ZNF440: variants seen among roughly 807,000 people sequenced by gnomAD.
The protein encoded by ZNF440 is zinc finger protein 440.
Under a neutral mutation model 49.7 loss-of-function variants are expected in ZNF440, and 47 were observed. The observed-to-expected ratio is 0.95, with a 90% CI of 0.75 to 1.21. The LOEUF (loss-of-function observed/expected upper bound fraction) is 1.21. ZNF440 is among the 50% of genes most tolerant of loss of function. The probability of loss-of-function intolerance (pLI) is 0.00; values close to 1 mark genes in which losing one functional copy is unlikely to be tolerated. For synonymous variants in ZNF440, 255 were observed against 237.7 expected (o/e 1.07, Z -0.67); for missense variants, 703 against 715.0 (o/e 0.98, Z 0.19).
rs550858969 is a variant in ZNF440, at chr19:11,831,811, T to C, written c.635T>C (p.Leu212Pro). The C allele has an allele frequency of 1.2e-5, 19 of 1,609,300 alleles. No homozygotes were observed. The highest frequency in any genetic ancestry group is 8.4e-5 in the Admixed American group (5 of 59,800). The change falls in exon 4 of 4, where the codon CTC becomes CCC. Residue 212 changes from leucine to proline, a missense_variant. Physicochemically the swap from Leu to Pro is moderately conservative, Grantham distance 98. Coordinates refer to ENST00000304060, the MANE Select transcript of ZNF440 (RefSeq NM_152357.3). ...CKFCGKAFHC[L>P]RLYLIHERIH... is the part of the protein sequence containing the mutation. ...TTTTGTGGGAAAGCATTCCATTGTC[T>C]CAGATTATATCTTATCCATGAAAGA...
intron 2 of ZNF440, 91 bp downstream of exon 2, chr19:11,830,500 G>A (rs1050565110): frequency 1.9e-6 from 3 of 1,601,638 alleles, no homozygotes; most frequent in African/African-American, 2.7e-5. Context: ...ACATAGACAG[G>A]AAATACTTTG....
In ZNF440 at chr19:11,831,588, G is replaced by A; in HGVS notation, c.412G>A (p.Glu138Lys). Residue 138 changes from glutamate to lysine, a missense_variant, in exon 4 of 4, where the codon GAA becomes AAA. Transcript: ENST00000304060. ...TGGACACAAGGCATATGAGTATCAG[G>A]AATATGGACCAAAGCCATGTAAGTG... ...DIGHKAYEYQEYGPKPCKCQQ... is the reference protein window; with the variant it reads ...DIGHKAYEYQKYGPKPCKCQQ... The A allele has an allele frequency of 6.2e-7, 1 of 1,614,106 alleles. No homozygotes were observed. The highest frequency in any genetic ancestry group is 8.5e-7 in the Non-Finnish European group (1 of 1,180,016).
chr19:11,822,611 G>A (rs1488143563), intron 1 of ZNF440, among the ~76,000 whole-genome samples: 7 of 152,146 alleles, frequency 4.6e-5, no homozygotes, highest in Non-Finnish European at 1.0e-4. Flanking sequence ...ACTTTGGGAG[G>A]CTGAGGCGGG....
At chr19:11,820,361 C>T (rs1177576264) in intron 1 of ZNF440, among the ~76,000 whole-genome samples, 4 of 152,134 alleles carry the variant, frequency 2.6e-5, no homozygotes, top group African/African-American at 9.7e-5. Flanking sequence ...GGATTACAGG[C>T]ACCTGCCACC....
At chr19:11,822,090 C>CA (rs1160768957) in intron 1 of ZNF440, among the ~76,000 whole-genome samples, 1 of 152,204 alleles carries the variant, frequency 6.6e-6, no homozygotes, top group Non-Finnish European at 1.5e-5. Flanking sequence ...TTAGAGCAAG[C>CA]AGGCACTAGT....
chr19:11,831,805 A>T lies in ZNF440; in HGVS notation c.629A>T (p.His210Leu), dbSNP rs1384034811. The T allele has an allele frequency of 1.2e-6, 2 of 1,609,302 alleles. No homozygotes were observed. Residue 210 changes from histidine (H) to leucine (L), a missense_variant, in exon 4 of 4, where the codon CAT (histidine) becomes CTT (leucine). His to Leu is a moderately conservative substitution (Grantham distance 99). Coordinates refer to ENST00000304060, the MANE Select transcript of ZNF440 (RefSeq NM_152357.3). ...YKCKFCGKAF[H>L]CLRLYLIHER... Reference sequence around the variant, plus strand: ...TGTAAGTTTTGTGGGAAAGCATTCCATTGTCTCAGATTATATCTTATCCAT... The same window carrying T: ...TGTAAGTTTTGTGGGAAAGCATTCCTTTGTCTCAGATTATATCTTATCCAT...
chr19:11,827,809 T>C (rs2145127219), intron 1 of ZNF440, among the ~76,000 whole-genome samples: 1 of 152,218 alleles, frequency 6.6e-6, no homozygotes, highest in East Asian at 1.9e-4. Context: ...GAGACGGGTA[T>C]CTCCTTATGT....
At chr19:11,822,862 G>A (rs868187269) in intron 1 of ZNF440, among the ~76,000 whole-genome samples, 110 of 93,314 alleles carry the variant, frequency 1.2e-3, no homozygotes, top group African/African-American at 1.6e-3. Flanking sequence ...AAAAAAAAAA[G>A]ATGCCCTGGT....
chr19:11,833,239 T>C lies in ZNF440; in HGVS notation c.*275T>C. 1.1e-6 allele frequency: 1 copy of C among 888,840 alleles called. No individual in the cohort carries two copies. The highest frequency in any genetic ancestry group is 2.3e-4 in the Middle Eastern group (1 of 4,318). The allele number at this position is 888,840 out of a possible 1,614,324, so 55.1% of individuals were successfully genotyped here. On this transcript the variant is annotated 3_prime_UTR_variant, in exon 4 of 4. Transcript: ENST00000304060. ...GGACACACACTGGAGAGAAACCCTG[T>C]GAATGTAAGAAATGTAGAAAAGCAT...
rs772989118 is a variant in ZNF440 at position 11,831,387 on chromosome 19, G to C, written c.211G>C (p.Val71Leu). 6.8e-6 allele frequency: 11 copies of C among 1,607,892 alleles called. No individual in the cohort carries two copies. The African/African-American group carries it at 1.1e-4, about 16-fold the overall frequency. Reference protein sequence around the residue: ...RNFRSLIEEKVNEIKDDSHCG... With the variant: ...RNFRSLIEEKLNEIKDDSHCG... ...TGACAGGAGTCTCATAGAAGAAAAA[G>C]TCAATGAAATTAAAGATGACAGTCA... The change falls in exon 4 of 4, where the codon GTC becomes CTC. Residue 71 changes from valine (V) to leucine (L), a missense_variant. Val to Leu is a conservative substitution (Grantham distance 32). Coordinates refer to ENST00000304060, the MANE Select transcript of ZNF440 (RefSeq NM_152357.3).
intron 1 of ZNF440, among the ~76,000 whole-genome samples, chr19:11,823,097 C>A (rs901248421): frequency 6.6e-6 from 1 of 152,078 alleles, no homozygotes; most frequent in Non-Finnish European, 1.5e-5. Flanking sequence ...AGGGAGCTGG[C>A]AGATCTAGTG....
At position 11,831,794 on chromosome 19, in the gene ZNF440, G is replaced by A; in HGVS notation, c.618G>A (p.Gly206=). 1.2e-6 allele frequency: 2 copies of A among 1,609,256 alleles called. No homozygotes were observed. Among genetic ancestry groups the A allele is most frequent in the Non-Finnish European group, 1.7e-6 (2 of 1,176,450 alleles). The change falls in exon 4 of 4, where the codon GGG becomes GGA. Residue 206 remains glycine (G), a synonymous_variant. Coordinates refer to ENST00000304060, the MANE Select transcript of ZNF440 (RefSeq NM_152357.3). ...GDGPYKCKFC[G]KAFHCLRLYL... is the part of the protein sequence containing the mutation. Reference sequence around the variant, plus strand: ...GACCTTATAAATGTAAGTTTTGTGGGAAAGCATTCCATTGTCTCAGATTAT... The same window carrying A: ...GACCTTATAAATGTAAGTTTTGTGGAAAAGCATTCCATTGTCTCAGATTAT...
intron 1 of ZNF440, among the ~76,000 whole-genome samples, chr19:11,819,379 T>G (rs1975771433): frequency 6.7e-6 from 1 of 149,048 alleles, no homozygotes. Context: ...ATTTTTTAAT[T>G]ACTTGTGTTT....
At chr19:11,815,194 G>A (rs868184300) in intron 1 of ZNF440, among the ~76,000 whole-genome samples, 13 of 151,580 alleles carry the variant, frequency 8.6e-5, no homozygotes, top group South Asian at 6.3e-4. Context: ...GGAGAATGGC[G>A]TGAACCCGGG....
chr19:11,815,284 TCACACACACACACACACA>T (rs3223082), intron 1 of ZNF440, among the ~76,000 whole-genome samples: 7 of 121,062 alleles, frequency 5.8e-5, no homozygotes, highest in African/African-American at 1.3e-4. Flanking sequence ...GGCAACTCCG[TCACACACACACACACACA>T]CACACACACA....
rs200864155 is a variant in ZNF440 at position 11,832,545 on chromosome 19, C to T, written c.1369C>T (p.Arg457Cys). ...THIRIHSGERRYKCKICGKGF... is the reference protein window; with the variant it reads ...THIRIHSGERCYKCKICGKGF... ...CATAAGAATACACTCTGGAGAAAGA[C>T]GTTATAAATGTAAGATATGTGGGAA... The change falls in exon 4 of 4, where the codon CGT becomes TGT. Residue 457 changes from arginine (R) to cysteine (C), a missense_variant. Transcript: ENST00000304060. 130 of 1,613,738 alleles carry T rather than the reference C, an allele frequency of 8.1e-5. No homozygotes were observed. Among genetic ancestry groups the T allele is most frequent in the Admixed American group, 3.2e-4 (19 of 59,972 alleles).
chr19:11,830,509 T>G (rs1284077919), intron 2 of ZNF440, 100 bp downstream of exon 2: 2 of 1,600,460 alleles, frequency 1.2e-6, no homozygotes, highest in African/African-American at 2.7e-5. Context: ...GGAAATACTT[T>G]GATGAATAAA....
In ZNF440 at chr19:11,832,070, T is replaced by G. The variant is rs61744971; in HGVS notation, c.894T>G (p.Tyr298Ter). Residue 298 changes from tyrosine to a stop codon, truncating the protein, a stop_gained, in exon 4 of 4, where the codon TAT becomes TAG. Coordinates refer to ENST00000304060, the MANE Select transcript of ZNF440 (RefSeq NM_152357.3). LOFTEE classifies it high-confidence loss of function. ...ECGKAFTCPRYVRIHERTHSR... is the reference protein window; with the variant it reads ...ECGKAFTCPR ...GAAAAGCATTCACGTGTCCCCGTTA[T>G]GTTCGTATACATGAAAGGACCCACT... is the stretch of plus-strand genomic sequence containing the variant. 8 of 1,614,158 alleles carry G rather than the reference T, an allele frequency of 5.0e-6. No individual in the cohort carries two copies. The East Asian group carries it at 8.9e-5, about 18-fold the overall frequency.
chr19:11,832,545 C>G lies in ZNF440; in HGVS notation c.1369C>G (p.Arg457Gly), dbSNP rs200864155. ...CATAAGAATACACTCTGGAGAAAGA[C>G]GTTATAAATGTAAGATATGTGGGAA... ...THIRIHSGERRYKCKICGKGF... is the reference protein window; with the variant it reads ...THIRIHSGERGYKCKICGKGF... The change falls in exon 4 of 4, where the codon CGT (arginine) becomes GGT (glycine). Residue 457 changes from arginine to glycine, a missense_variant. Coordinates refer to ENST00000304060, the MANE Select transcript of ZNF440 (RefSeq NM_152357.3). 1.2e-6 allele frequency: 2 copies of G among 1,613,738 alleles called. No individual in the cohort carries two copies. Among genetic ancestry groups the G allele is most frequent in the Non-Finnish European group, 1.7e-6 (2 of 1,179,938 alleles).
Sources: gnomAD v4.1 joint callset for allele counts (sites outside exome capture counted in the v4.1 genomes callset) on GRCh38, gnomAD v4.1.1 for gene constraint, MANE v1.5 for transcripts, NCBI Gene and HGNC (gene_info 2026-07-23, HGNC 2026-07-21) for gene names.